CD200R1: variants seen among roughly 807,000 people sequenced by gnomAD.
CD200R1 encodes the protein CD200 receptor 1.
CD200R1 carries 30 observed loss-of-function variants against 38.1 expected under a neutral mutation model. That is an observed-to-expected ratio of 0.79 (90% CI 0.59 to 1.07). CD200R1 has a LOEUF of 1.07. CD200R1 is among the 50% of genes least tolerant of loss of function. CD200R1 has a pLI of 0.00. For synonymous variants in CD200R1, 128 were observed against 152.1 expected, an observed-to-expected ratio of 0.84 and a Z score of 1.16; for missense variants, 372 against 415.4, an observed-to-expected ratio of 0.90 and a Z score of 0.91.
rs555910463 is a variant in CD200R1, at chr3:112,958,017, ACT to A, written c.68-10095_68-10094del. ...CTGGCAAGAATGTGGAGAAATTAAA[ACT>A]CTCATACATTACTAGTGGGAATGTA... On this transcript the variant is annotated intron_variant, in intron 1 of 7. Transcript: ENST00000308611. 4.3e-4 allele frequency among the ~76,000 whole-genome samples: 66 copies of A among 152,126 alleles called. No homozygotes were observed. The East Asian group carries it at 0.012, about 28-fold the overall frequency.
chr3:112,973,279 G>C (rs952133275), intron 1 of CD200R1, among the ~76,000 whole-genome samples: 2 of 152,140 alleles, frequency 1.3e-5, no homozygotes, highest in African/African-American at 4.8e-5. Flanking sequence ...GAAAGATTCA[G>C]ATCACTTGAC....
intron 5 of CD200R1, among the ~76,000 whole-genome samples, chr3:112,927,313 C>A (rs1940302831): frequency 6.6e-6 from 1 of 152,140 alleles, no homozygotes; most frequent in Non-Finnish European, 1.5e-5. Flanking sequence ...CTTATCTCTC[C>A]AAGGCCAGAA....
At chr3:112,937,488 A>T (rs1940612153) in intron 2 of CD200R1, among the ~76,000 whole-genome samples, 1 of 152,090 alleles carries the variant, frequency 6.6e-6, no homozygotes, top group Admixed American at 6.6e-5. Flanking sequence ...TTTGTCAAAG[A>T]TAAGATAGTT....
At chr3:112,958,831 G>A (rs925324201) in intron 1 of CD200R1, among the ~76,000 whole-genome samples, 45 of 152,134 alleles carry the variant, frequency 3.0e-4, no homozygotes, top group African/African-American at 8.7e-4. Flanking sequence ...GAATGTTTTC[G>A]TGATTTTACT....
chr3:112,942,952 C>T (rs2107319488), intron 2 of CD200R1, among the ~76,000 whole-genome samples: 1 of 151,620 alleles, frequency 6.6e-6, no homozygotes. Context: ...CATATGTGCA[C>T]CTAGCAAAAG....
intron 1 of CD200R1, among the ~76,000 whole-genome samples, chr3:112,955,053 A>G (rs377097855): frequency 1.3e-5 from 2 of 152,222 alleles, no homozygotes; most frequent in East Asian, 1.9e-4. Context: ...AAAACAGACA[A>G]ACAAACTTTT....
Position 112,929,363 on chromosome 3 carries a change from T to A in CD200R1, c.347A>T (p.Asn116Ile), listed in dbSNP as rs1483969229. ...SCTKAYKKET[N>I]ETKETNCTDE... is the part of the protein sequence containing the mutation. The stretch of plus-strand genomic sequence containing the variant: ...AGTACAGTTGGTTTCCTTGGTCTCA[T>A]TTGTTTCTTTCTTGTAGGCTTTTGT... The change falls in exon 4 of 8, where the codon AAT (asparagine) becomes ATT (isoleucine). Residue 116 changes from asparagine to isoleucine, a missense_variant. Transcript: ENST00000308611. 6.2e-7 allele frequency: 1 copy of A among 1,614,094 alleles called. No individual in the cohort carries two copies.
chr3:112,928,673 CTCTT>C, intron 5 of CD200R1, 139 bp downstream of exon 5: 1 of 651,446 alleles, frequency 1.5e-6, no homozygotes, highest in Non-Finnish European at 2.6e-6. Context: ...CTCAACTCAT[CTCTT>C]TATTTTGGTC....
intron 1 of CD200R1, among the ~76,000 whole-genome samples, chr3:112,955,357 T>C (rs1941070491): frequency 6.6e-6 from 1 of 152,196 alleles, no homozygotes; most frequent in Non-Finnish European, 1.5e-5. Flanking sequence ...GTTATTGTCT[T>C]GCAGTCTATC....
rs934098532 is a variant in CD200R1, at chr3:112,968,062, T to A, written c.67+6729A>T. ...AAAGAAGTTAAGCAATTTCTAAAGA[T>A]GAAACAGCTAGTGGTTAGAATTACA... On this transcript the variant is annotated intron_variant, in intron 1 of 7. Coordinates refer to ENST00000308611, the MANE Select transcript of CD200R1 (RefSeq NM_138806.4). Among the ~76,000 whole-genome samples the A allele has an allele frequency of 2.0e-5, 3 of 152,368 alleles. No homozygotes were observed. The South Asian group carries it at 6.2e-4, about 32-fold the overall frequency.
At chr3:112,960,361 G>A (rs1240206398) in intron 1 of CD200R1, among the ~76,000 whole-genome samples, 2 of 151,954 alleles carry the variant, frequency 1.3e-5, no homozygotes, top group African/African-American at 4.8e-5. Flanking sequence ...CTTCCAACAA[G>A]GAAATAAGTT....
At chr3:112,935,242 T>G (rs1940548107) in intron 2 of CD200R1, among the ~76,000 whole-genome samples, 1 of 152,146 alleles carries the variant, frequency 6.6e-6, no homozygotes, top group Non-Finnish European at 1.5e-5. Context: ...CAAACAGACC[T>G]AACAGACCTT....
At chr3:112,939,058 T>G (rs920467369) in intron 2 of CD200R1, among the ~76,000 whole-genome samples, 23 of 151,902 alleles carry the variant, frequency 1.5e-4, no homozygotes, top group African/African-American at 5.6e-4. Context: ...AAAAAGCATT[T>G]TATAAAATTC....
Position 112,929,193 on chromosome 3 carries a change from A to AC in CD200R1, c.516dup (p.Leu173ValfsTer5), listed in dbSNP as rs1340941142. The AC allele has an allele frequency of 6.2e-7, 1 of 1,614,044 alleles. No homozygotes were observed. Among genetic ancestry groups the AC allele is most frequent in the African/African-American group, 1.3e-5 (1 of 74,908 alleles). On this transcript the variant is annotated frameshift_variant, in exon 4 of 8. Coordinates refer to ENST00000308611, the MANE Select transcript of CD200R1 (RefSeq NM_138806.4). LOFTEE classifies it high-confidence loss of function. Reference sequence around the variant, plus strand: ...CTCAATATATGATGCTCCTTACCTAACACTTGGAGGTGATATCCACGATGG... The same window carrying AC: ...CTCAATATATGATGCTCCTTACCTAACCACTTGGAGGTGATATCCACGATGG...
chr3:112,938,845 G>A (rs1940648799), intron 2 of CD200R1, among the ~76,000 whole-genome samples: 2 of 151,910 alleles, frequency 1.3e-5, no homozygotes. Flanking sequence ...AAAAGCACAA[G>A]CCAATACTAC....
chr3:112,924,454 T>A, intron 7 of CD200R1, 36 bp downstream of exon 7: 6 of 1,288,642 alleles, frequency 4.7e-6, no homozygotes, highest in Non-Finnish European at 6.1e-6. Flanking sequence ...GACTATTGGC[T>A]TAAGTTTGCA....
chr3:112,932,612 G>A (rs2107308147), intron 2 of CD200R1, among the ~76,000 whole-genome samples: 1 of 151,952 alleles, frequency 6.6e-6, no homozygotes, highest in South Asian at 2.1e-4. Flanking sequence ...CCCTCCATGT[G>A]GCAGATACAC....
intron 2 of CD200R1, among the ~76,000 whole-genome samples, chr3:112,947,255 C>T (rs1410283363): frequency 1.3e-5 from 2 of 152,062 alleles, no homozygotes; most frequent in Non-Finnish European, 2.9e-5. Flanking sequence ...CTAAAAGTGA[C>T]CTCTAATGCA....
intron 1 of CD200R1, among the ~76,000 whole-genome samples, chr3:112,966,905 C>A (rs973372367): frequency 6.6e-6 from 1 of 152,196 alleles, no homozygotes; most frequent in African/African-American, 2.4e-5. Context: ...AGCAATCTCG[C>A]TGCTCCCACG....
Sources: gnomAD v4.1 joint callset for allele counts (sites outside exome capture counted in the v4.1 genomes callset) on GRCh38, gnomAD v4.1.1 for gene constraint, MANE v1.5 for transcripts, NCBI Gene and HGNC (gene_info 2026-07-23, HGNC 2026-07-21) for gene names.